Variants in DARS1 observed in about 807,000 individuals in gnomAD.
DARS1 encodes aspartyl-tRNA synthetase 1.
DARS1 carries 51 observed loss-of-function variants against 68.8 expected under a neutral mutation model. That is an observed-to-expected ratio of 0.74 (90% CI 0.59 to 0.94). The LOEUF is 0.94. Among genes scored for constraint, DARS1 ranks in the 40% least tolerant of loss-of-function variants. DARS1 has a pLI of 0.00. For missense variants in DARS1, 607 were observed against 597.3 expected (o/e 1.02, Z -0.17); for synonymous variants, 203 against 190.4 (o/e 1.07, Z -0.55).
At chr2:135,966,320 T>A (rs1304071405) in intron 3 of DARS1, among the ~76,000 whole-genome samples, 1 of 152,182 alleles carries the variant, frequency 6.6e-6, no homozygotes, top group Non-Finnish European at 1.5e-5. Flanking sequence ...ACCCATAAAT[T>A]ACTTTCTATT....
chr2:135,966,119 CA>C (rs1682230359), intron 3 of DARS1, among the ~76,000 whole-genome samples: 1 of 150,144 alleles, frequency 6.7e-6, no homozygotes, highest in African/African-American at 2.4e-5. Context: ...ATTTAAAAAA[CA>C]AAAAATATGG....
At position 135,907,068 on chromosome 2, in the gene DARS1, C is replaced by T; in HGVS notation, c.*248G>A. On this transcript the variant is annotated 3_prime_UTR_variant, in exon 16 of 16. Transcript: ENST00000264161. ...CCATATGAATTTCTCAAGTTATTTC[C>T]TACTGATGCATGTCTGAAGTTATAA... 3.8e-6 allele frequency: 1 copy of T among 260,358 alleles called. No individual in the cohort carries two copies. 16.1% of individuals were successfully genotyped at this position (260,358 alleles called of 1,614,324 possible). A position where few individuals can be genotyped will look rare whatever the true frequency, so the allele number is the denominator to read the frequency against.
At position 135,911,491 on chromosome 2, in the gene DARS1, T is replaced by C; in HGVS notation, c.1233A>G (p.Lys411=). The change falls in exon 14 of 16, where the codon AAA becomes AAG. Residue 411 remains lysine (K), a splice_region_variant and synonymous_variant. Transcript: ENST00000264161. ...TGAACATATCGTAAGAGTTGGACTG[T>C]TTCTGCAAGAGAAAAAACACCAGTC... ...FYTMPDPRNP[K]QSNSYDMFMR... 1 of 925,130 alleles carries C rather than the reference T, an allele frequency of 1.1e-6. No individual in the cohort carries two copies. The highest frequency in any genetic ancestry group is 1.3e-5 in the South Asian group (1 of 75,700). The allele number at this position is 925,130 out of a possible 1,614,324, so 57.3% of individuals were successfully genotyped here.
At chr2:135,961,856 ATAGT>A (rs572515787) in intron 3 of DARS1, among the ~76,000 whole-genome samples, 46 of 152,348 alleles carry the variant, frequency 3.0e-4, no homozygotes, top group South Asian at 4.1e-4. Flanking sequence ...CATTCATTCA[ATAGT>A]TAGTATATTC....
intron 4 of DARS1, among the ~76,000 whole-genome samples, chr2:135,959,498 T>G (rs1187196635): frequency 6.6e-6 from 1 of 151,310 alleles, no homozygotes; most frequent in African/African-American, 2.4e-5. Context: ...AAGATGTTCT[T>G]TAATTTTATG....
chr2:135,954,194 T>A (rs1056002973), intron 4 of DARS1, among the ~76,000 whole-genome samples: 1 of 151,902 alleles, frequency 6.6e-6, no homozygotes. Context: ...TTACACACTA[T>A]TTCAGAGAGG....
At chr2:135,951,372 T>A (rs1575398572) in intron 4 of DARS1, among the ~76,000 whole-genome samples, 1 of 152,200 alleles carries the variant, frequency 6.6e-6, no homozygotes, top group African/African-American at 2.4e-5. Flanking sequence ...AGATTAATGG[T>A]GTCACTTCCA....
At chr2:135,973,332 A>G (rs966431454) in intron 3 of DARS1, among the ~76,000 whole-genome samples, 1 of 152,214 alleles carries the variant, frequency 6.6e-6, no homozygotes, top group Non-Finnish European at 1.5e-5. Flanking sequence ...AAAGACAAAC[A>G]TCGCATATTC....
chr2:135,962,929 G>A (rs1015796485), intron 3 of DARS1, among the ~76,000 whole-genome samples: 3 of 152,178 alleles, frequency 2.0e-5, no homozygotes, highest in African/African-American at 7.2e-5. Context: ...ATGTGCACAC[G>A]ACAGTGCTAG....
chr2:135,981,903 G>C (rs1325366633), intron 2 of DARS1, among the ~76,000 whole-genome samples: 3 of 152,102 alleles, frequency 2.0e-5, no homozygotes, highest in East Asian at 1.9e-4. Flanking sequence ...CTGGGCTCAA[G>C]TGATCCTCCC....
intron 3 of DARS1, 135 bp from the exon 4 acceptor site, chr2:135,961,633 A>G (rs1015494941): frequency 3.6e-6 from 2 of 551,228 alleles, no homozygotes; most frequent in Admixed American, 3.2e-5. Flanking sequence ...TGTGTATACT[A>G]TCCATTTGGC....
chr2:135,961,450 G>T lies in DARS1; in HGVS notation c.266C>A (p.Ala89Asp). ...VLRQQQFNVQ[A>D]LVAVGDHASK... The stretch of plus-strand genomic sequence containing the variant: ...TGCATGGTCTCCCACCGCCACAAGA[G>T]CCTGGACATTAAACTGCTGCTGACG... The change falls in exon 4 of 16, where the codon GCT becomes GAT. Residue 89 changes from alanine to aspartate, a missense_variant. By Grantham distance (126) the Ala-to-Asp change is moderately radical. Transcript: ENST00000264161. 6.4e-7 allele frequency: 1 copy of T among 1,565,836 alleles called. No individual in the cohort carries two copies. Among genetic ancestry groups the T allele is most frequent in the Non-Finnish European group, 8.8e-7 (1 of 1,135,886 alleles).
At chr2:135,964,494 A>T (rs1362281156) in intron 3 of DARS1, among the ~76,000 whole-genome samples, 1 of 152,088 alleles carries the variant, frequency 6.6e-6, no homozygotes, top group Non-Finnish European at 1.5e-5. Flanking sequence ...GAGCAAATGT[A>T]CCTCCTAAGA....
Position 135,922,898 on chromosome 2 carries a change from T to C in DARS1, c.697A>G (p.Asn233Asp). 1 of 1,555,836 alleles carries C rather than the reference T, an allele frequency of 6.4e-7. No homozygotes were observed. The highest frequency in any genetic ancestry group is 8.7e-7 in the Non-Finnish European group (1 of 1,153,524). ...IISAASEGGA[N>D]VFTVSYFKNN... is the part of the protein sequence containing the mutation. ...TTAAAATATGACACAGTAAAAACAT[T>C]GGCTCCTCCTTCACTGGCAGCTGAA... The change falls in exon 9 of 16, where the codon AAT (asparagine) becomes GAT (aspartate). Residue 233 changes from asparagine to aspartate, a missense_variant. Physicochemically the swap from Asn to Asp is conservative, Grantham distance 23 (BLOSUM62 1). Coordinates refer to ENST00000264161, the MANE Select transcript of DARS1 (RefSeq NM_001349.4).
intron 15 of DARS1, among the ~76,000 whole-genome samples, chr2:135,910,689 C>CA (rs1282289569): frequency 1.3e-5 from 2 of 152,086 alleles, no homozygotes; most frequent in Admixed American, 6.6e-5. Context: ...ACTATACATT[C>CA]AAAAAATTTT....
Position 135,985,546 on chromosome 2 carries a change from C to T in DARS1, c.-78G>A, listed in dbSNP as rs779268884. 9.3e-6 allele frequency: 15 copies of T among 1,607,708 alleles called. No homozygotes were observed. The Middle Eastern group carries it at 4.9e-4, about 53-fold the overall frequency. On this transcript the variant is annotated 5_prime_UTR_variant, in exon 1 of 16. Transcript: ENST00000264161. ...GGCAGGCCAAAGGGGCTTCTCCCTC[C>T]CTCCCAGTCTCCGCCCTCCCGACCC...
At chr2:135,964,627 G>T (rs539062789) in intron 3 of DARS1, among the ~76,000 whole-genome samples, 2 of 152,218 alleles carry the variant, frequency 1.3e-5, no homozygotes, top group East Asian at 3.9e-4. Context: ...GATCACTTGA[G>T]GTCAGGAGTT....
intron 3 of DARS1, among the ~76,000 whole-genome samples, chr2:135,969,043 C>T (rs1468401861): frequency 2.0e-5 from 3 of 151,870 alleles, no homozygotes; most frequent in East Asian, 3.9e-4. Context: ...CTGTGACATA[C>T]CTGTGGGAAT....
rs1680963729 is a variant in DARS1 at position 135,914,468 on chromosome 2, C to T, written c.1149+1G>A. 1 of 1,355,352 alleles carries T rather than the reference C, an allele frequency of 7.4e-7. No homozygotes were observed. The highest frequency in any genetic ancestry group is 1.1e-6 in the Non-Finnish European group (1 of 943,910). 84.0% of individuals were successfully genotyped at this position (1,355,352 alleles called of 1,614,324 possible). ...GAAATCCAGCATATAAAGAGTCCTA[C>T]CTTTTCCTTTACCAAATGACCCAAC... On this transcript the variant is annotated splice_donor_variant, in intron 12 of 15. Transcript: ENST00000264161. LOFTEE classifies it high-confidence loss of function.
Sources: allele counts gnomAD v4.1 joint callset (sites outside exome capture counted in the v4.1 genomes callset), GRCh38; gene constraint gnomAD v4.1.1; transcripts MANE v1.5; gene names NCBI Gene and HGNC (gene_info 2026-07-23, HGNC 2026-07-21).